TRIM69: variants seen among roughly 807,000 people sequenced by gnomAD.
The protein encoded by TRIM69 is E3 ubiquitin-protein ligase TRIM69.
TRIM69 carries 29 observed loss-of-function variants against 37.7 expected under a neutral mutation model. The observed-to-expected ratio is 0.77, with a 90% CI of 0.57 to 1.05. The LOEUF (loss-of-function observed/expected upper bound fraction) is 1.05. Ranked by LOEUF, TRIM69 falls within the 50% of genes least tolerant of loss-of-function variation. The pLI is 0.00. For synonymous variants in TRIM69, 209 were observed against 212.4 expected (o/e 0.98, Z 0.14); for missense variants, 596 against 579.9 (o/e 1.03, Z -0.28).
chr15:44,767,251 G>T lies in TRIM69; in HGVS notation c.982G>T (p.Asp328Tyr). 1 of 1,613,330 alleles carries T rather than the reference G, an allele frequency of 6.2e-7. No individual in the cohort carries two copies. Among genetic ancestry groups the T allele is most frequent in the Non-Finnish European group, 8.5e-7 (1 of 1,179,834 alleles). The change falls in exon 7 of 7, where the codon GAC becomes TAC. Residue 328 changes from aspartate (D) to tyrosine (Y), a missense_variant. Coordinates refer to ENST00000329464, the MANE Select transcript of TRIM69 (RefSeq NM_182985.5). ...ACTAGGCCTGTCTCCACTAACTCTG[G>T]ACCCTAAAACAGCTCACCCAAATCT... ...LCPGLSPLTL[D>Y]PKTAHPNLVL...
chr15:44,758,821 G>C lies in TRIM69; in HGVS notation c.780G>C (p.Lys260Asn). The C allele has an allele frequency of 6.2e-7, 1 of 1,613,986 alleles. No homozygotes were observed. Among genetic ancestry groups the C allele is most frequent in the Admixed American group, 1.7e-5 (1 of 59,966 alleles). The change falls in exon 4 of 7, where the codon AAG becomes AAC. Residue 260 changes from lysine (K) to asparagine (N), a missense_variant. Coordinates refer to ENST00000329464, the MANE Select transcript of TRIM69 (RefSeq NM_182985.5). ...ATATGTTGGTGAGCATTCAGGCAAAGACGGAACAACAGAACTCCTTCGACT... is the reference window on the plus strand; with the variant it reads ...ATATGTTGGTGAGCATTCAGGCAAACACGGAACAACAGAACTCCTTCGACT... ...AKDMLVSIQA[K>N]TEQQNSFDFL...
At chr15:44,746,535 G>C (rs895842364) in intron 1 of TRIM69, among the ~76,000 whole-genome samples, 2 of 152,072 alleles carry the variant, frequency 1.3e-5, no homozygotes, top group African/African-American at 4.8e-5. Flanking sequence ...ATCAATCTTA[G>C]TTTAAAACTC....
intron 1 of TRIM69, among the ~76,000 whole-genome samples, chr15:44,747,645 T>C (rs902818970): frequency 1.3e-5 from 2 of 152,102 alleles, no homozygotes; most frequent in African/African-American, 4.8e-5. Context: ...AAAGAGAAGA[T>C]GGCCGTATTA....
intron 6 of TRIM69, among the ~76,000 whole-genome samples, chr15:44,766,318 A>G (rs1250408849): frequency 6.6e-6 from 1 of 152,150 alleles, no homozygotes; most frequent in African/African-American, 2.4e-5. Context: ...TGTGGACCAC[A>G]TTATGAGTAG....
At chr15:44,758,902 G>T in intron 4 of TRIM69, 48 bp downstream of exon 4, 1 of 1,567,160 alleles carries the variant, frequency 6.4e-7, no homozygotes, top group Non-Finnish European at 8.7e-7. Flanking sequence ...TACCTAGAGG[G>T]GGGAAGAGGT....
chr15:44,748,575 A>G (rs892881172), intron 1 of TRIM69, among the ~76,000 whole-genome samples: 4 of 151,996 alleles, frequency 2.6e-5, no homozygotes, highest in Non-Finnish European at 5.9e-5. Context: ...CTGTAATCTC[A>G]GCACTTTGGG....
intron 6 of TRIM69, among the ~76,000 whole-genome samples, chr15:44,765,015 A>G (rs1247552933): frequency 6.6e-6 from 1 of 152,234 alleles, no homozygotes. Context: ...TATGCTGAGC[A>G]GGGAAATGGC....
At chr15:44,762,169 T>C (rs947199029) in intron 6 of TRIM69, among the ~76,000 whole-genome samples, 1 of 152,168 alleles carries the variant, frequency 6.6e-6, no homozygotes, top group Non-Finnish European at 1.5e-5. Context: ...GGTTTCACCA[T>C]GTTAGCCAGG....
At chr15:44,746,470 T>C (rs2141316229) in intron 1 of TRIM69, among the ~76,000 whole-genome samples, 1 of 152,346 alleles carries the variant, frequency 6.6e-6, no homozygotes. Context: ...CTTCTTTTTT[T>C]TCTAAAGTTT....
At chr15:44,766,134 T>C (rs1596039634) in intron 6 of TRIM69, among the ~76,000 whole-genome samples, 2 of 152,328 alleles carry the variant, frequency 1.3e-5, no homozygotes, top group Non-Finnish European at 1.5e-5. Flanking sequence ...GAATACAATA[T>C]AAATTACTTG....
chr15:44,740,824 G>A (rs1294354467), intron 1 of TRIM69, among the ~76,000 whole-genome samples: 1 of 151,822 alleles, frequency 6.6e-6, no homozygotes, highest in African/African-American at 2.4e-5. Flanking sequence ...AGCAAGTCCT[G>A]AGTGACCTAC....
At chr15:44,750,732 T>C (rs1348320798) in intron 1 of TRIM69, among the ~76,000 whole-genome samples, 1 of 124,404 alleles carries the variant, frequency 8.0e-6, no homozygotes, top group Non-Finnish European at 1.7e-5. Context: ...TTTTTTTTTT[T>C]TTTTTTTTTT....
At chr15:44,744,386 A>G (rs3110681) in intron 1 of TRIM69, among the ~76,000 whole-genome samples, 110,313 of 143,544 alleles carry the variant, frequency 0.77, 43,008 homozygotes, top group Middle Eastern at 0.84. Context: ...CAGCACACCA[A>G]CATGGCACAT....
intron 1 of TRIM69, among the ~76,000 whole-genome samples, chr15:44,742,185 T>C (rs2087304473): frequency 6.6e-6 from 1 of 150,466 alleles, no homozygotes; most frequent in Non-Finnish European, 1.5e-5. Context: ...ATAAATGTAA[T>C]CCAGCATATA....
chr15:44,741,369 G>C (rs2087281901), intron 1 of TRIM69, among the ~76,000 whole-genome samples: 1 of 152,106 alleles, frequency 6.6e-6, no homozygotes, highest in South Asian at 2.1e-4. Context: ...AAGCAGGAAA[G>C]ATCCGAAATT....
rs201411863 is a variant in TRIM69 at position 44,767,673 on chromosome 15, C to A, written c.1404C>A (p.Phe468Leu). The A allele has an allele frequency of 2.8e-5, 45 of 1,614,184 alleles. No individual in the cohort carries two copies. The highest frequency in any genetic ancestry group is 2.7e-4 in the East Asian group (12 of 44,896). ...AAACCATGACTCACATTTACACCTTCAGTAACACTTTCATGGAGAAACTTT... is the reference window on the plus strand; with the variant it reads ...AAACCATGACTCACATTTACACCTTAAGTAACACTTTCATGGAGAAACTTT... ...NAKTMTHIYTFSNTFMEKLYP... is the reference protein window; with the variant it reads ...NAKTMTHIYTLSNTFMEKLYP... The change falls in exon 7 of 7, where the codon TTC (phenylalanine) becomes TTA (leucine). Residue 468 changes from phenylalanine (F) to leucine (L), a missense_variant. Physicochemically the swap from Phe to Leu is conservative, Grantham distance 22. Transcript: ENST00000329464.
intron 6 of TRIM69, among the ~76,000 whole-genome samples, chr15:44,765,383 A>G (rs1198365889): frequency 6.6e-6 from 1 of 152,220 alleles, no homozygotes; most frequent in East Asian, 1.9e-4. Flanking sequence ...CATCAGAAAG[A>G]TTAACAACCC....
In TRIM69 at chr15:44,767,537, A is replaced by G; in HGVS notation, c.1268A>G (p.Asp423Gly). ...CTTTTAAGACTAAGGAACCAAACTG[A>G]TCTAAAGGCTCTGGATTTGCCTTCT... ...FWLLRLRNQT[D>G]LKALDLPSFS... The change falls in exon 7 of 7, where the codon GAT becomes GGT. Residue 423 changes from aspartate (D) to glycine (G), a missense_variant. Physicochemically the swap from Asp to Gly is moderately conservative, Grantham distance 94. Transcript: ENST00000329464. 6.2e-7 allele frequency: 1 copy of G among 1,614,192 alleles called. No homozygotes were observed. Among genetic ancestry groups the G allele is most frequent in the Non-Finnish European group, 8.5e-7 (1 of 1,180,026 alleles).
chr15:44,757,354 G>A (rs2087673073), intron 3 of TRIM69: 1 of 152,106 alleles, frequency 6.6e-6, no homozygotes, highest in Admixed American at 6.5e-5. Context: ...TATGATGATA[G>A]CATATAAATG....
Sources: allele counts gnomAD v4.1 joint callset (sites outside exome capture counted in the v4.1 genomes callset), GRCh38; gene constraint gnomAD v4.1.1; transcripts MANE v1.5; gene names NCBI Gene and HGNC (gene_info 2026-07-23, HGNC 2026-07-21).